The following SGCZ variants were observed in gnomAD, a reference collection of about 807,000 sequenced individuals.
The protein encoded by SGCZ is zeta-sarcoglycan.
SGCZ carries 40 observed loss-of-function variants against 41.3 expected under a neutral mutation model. The ratio of observed to expected loss-of-function variants is 0.97; its 90% CI spans 0.75 to 1.26. The LOEUF is 1.26. Among genes scored for constraint, SGCZ ranks in the 50% most tolerant of loss-of-function variants. SGCZ has a pLI of 0.00. For missense variants in SGCZ, 552 were observed against 369.8 expected (o/e 1.49, Z -4.04); for synonymous variants, 206 against 137.5 (o/e 1.50, Z -3.49).
intron 1 of SGCZ, among the ~76,000 whole-genome samples, chr8:15,223,527 G>A (rs778530609): frequency 5.3e-5 from 8 of 152,138 alleles, no homozygotes; most frequent in Non-Finnish European, 8.8e-5. Flanking sequence ...TTTTAATTCT[G>A]TATTTGATCC....
chr8:14,938,627 T>G (rs1047348395), intron 1 of SGCZ, among the ~76,000 whole-genome samples: 4 of 152,240 alleles, frequency 2.6e-5, no homozygotes, highest in Admixed American at 6.5e-5. Flanking sequence ...TAGCTAATTT[T>G]GGGGAAGTTA....
At chr8:15,034,405 T>C (rs750022432) in intron 1 of SGCZ, among the ~76,000 whole-genome samples, 103 of 151,482 alleles carry the variant, frequency 6.8e-4, no homozygotes, top group Non-Finnish European at 1.3e-3. Flanking sequence ...TACTTTCAAA[T>C]ATAAAAAGAA....
intron 1 of SGCZ, among the ~76,000 whole-genome samples, chr8:14,823,011 G>C (rs559533975): frequency 7.3e-6 from 1 of 136,698 alleles, no homozygotes; most frequent in African/African-American, 2.8e-5. Context: ...CCAAGATCGC[G>C]CCACTGCACT....
At chr8:14,944,995 T>C (rs889666631) in intron 1 of SGCZ, among the ~76,000 whole-genome samples, 1 of 152,104 alleles carries the variant, frequency 6.6e-6, no homozygotes, top group African/African-American at 2.4e-5. Context: ...GTGGAAGACA[T>C]AAGCATCAGT....
At position 14,602,473 on chromosome 8, in the gene SGCZ, C is replaced by A. The variant is rs1457566447; in HGVS notation, c.40-47547G>T. 2.0e-5 allele frequency among the ~76,000 whole-genome samples: 3 copies of A among 151,520 alleles called. No homozygotes were observed. The East Asian group carries it at 5.9e-4, about 30-fold the overall frequency. ...GCTGAGGTGGGAGGATTGCTTGAAC[C>A]CAGGAGTTCAAGGCCAGCCTGGGCA... On this transcript the variant is annotated intron_variant, in intron 1 of 7. Transcript: ENST00000382080.
intron 4 of SGCZ, among the ~76,000 whole-genome samples, chr8:14,184,465 A>C (rs927583937): frequency 7.2e-5 from 11 of 152,184 alleles, no homozygotes; most frequent in African/African-American, 2.7e-4. Flanking sequence ...TTCAGGCATT[A>C]TTAGGCTAAA....
At chr8:15,180,899 G>C (rs1800156073) in intron 1 of SGCZ, among the ~76,000 whole-genome samples, 1 of 150,264 alleles carries the variant, frequency 6.7e-6, no homozygotes, top group Non-Finnish European at 1.5e-5. Context: ...AAAAAAAAAA[G>C]AGAGGGAAAA....
At chr8:15,012,953 G>C (rs1326249847) in intron 1 of SGCZ, among the ~76,000 whole-genome samples, 5 of 151,820 alleles carry the variant, frequency 3.3e-5, no homozygotes, top group African/African-American at 7.3e-5. Flanking sequence ...TGTTTAGAAT[G>C]TTTAAAGTTA....
At chr8:14,804,681 C>A (rs1801461871) in intron 1 of SGCZ, among the ~76,000 whole-genome samples, 1 of 134,892 alleles carries the variant, frequency 7.4e-6, no homozygotes, top group Admixed American at 7.9e-5. Flanking sequence ...GAGAACTTCC[C>A]CAATCTAGCA....
intron 1 of SGCZ, among the ~76,000 whole-genome samples, chr8:15,001,564 C>T (rs1802422004): frequency 6.6e-6 from 1 of 151,844 alleles, no homozygotes; most frequent in Non-Finnish European, 1.5e-5. Flanking sequence ...CCCATCTCTA[C>T]TAAAAATGCA....
intron 3 of SGCZ, among the ~76,000 whole-genome samples, chr8:14,279,208 T>C (rs1231172704): frequency 1.3e-5 from 2 of 151,988 alleles, no homozygotes; most frequent in East Asian, 3.9e-4. Context: ...AGGGGAAAAG[T>C]AGAGTTTACT....
chr8:14,723,874 A>G (rs576309797), intron 1 of SGCZ, among the ~76,000 whole-genome samples: 163 of 152,268 alleles, frequency 1.1e-3, no homozygotes, highest in South Asian at 4.3e-3. Flanking sequence ...TTCTATAAAT[A>G]GAGTGGTAGT....
At chr8:14,408,847 A>C (rs1166488482) in intron 2 of SGCZ, among the ~76,000 whole-genome samples, 1 of 152,084 alleles carries the variant, frequency 6.6e-6, no homozygotes, top group African/African-American at 2.4e-5. Flanking sequence ...ATGTTAGCTC[A>C]TGATTGAGAC....
chr8:14,777,625 C>T (rs575741934), intron 1 of SGCZ, among the ~76,000 whole-genome samples: 6 of 152,028 alleles, frequency 3.9e-5, no homozygotes, highest in Non-Finnish European at 8.8e-5. Flanking sequence ...ATAAGACATA[C>T]GCATATCCAT....
In SGCZ at chr8:15,153,038, G is replaced by A. The variant is rs140711569; in HGVS notation, c.39+84547C>T. 9.9e-4 allele frequency among the ~76,000 whole-genome samples: 150 copies of A among 152,228 alleles called. 1 individual carries two copies. Among genetic ancestry groups the A allele is most frequent in the African/African-American group, 3.6e-3 (149 of 41,540 alleles). On this transcript the variant is annotated intron_variant, in intron 1 of 7. Coordinates refer to ENST00000382080, the MANE Select transcript of SGCZ (RefSeq NM_139167.4). ...CAATGGTACAAAGATTTTGCTCAAT[G>A]GCCGTCAATAACTTAACCAGAGTTT...
chr8:14,094,366 C>G (rs1801779354), intron 7 of SGCZ, among the ~76,000 whole-genome samples: 1 of 151,650 alleles, frequency 6.6e-6, no homozygotes, highest in Non-Finnish European at 1.5e-5. Flanking sequence ...GTTCAACTCC[C>G]AATTAGGAGT....
intron 3 of SGCZ, among the ~76,000 whole-genome samples, chr8:14,246,428 A>T (rs1183635284): frequency 6.6e-6 from 1 of 151,350 alleles, no homozygotes; most frequent in Admixed American, 6.6e-5. Flanking sequence ...AGGGAACATG[A>T]CACTCTGGGG....
chr8:14,505,894 C>A (rs1802290789), intron 2 of SGCZ, among the ~76,000 whole-genome samples: 1 of 152,142 alleles, frequency 6.6e-6, no homozygotes, highest in South Asian at 2.1e-4. Context: ...TTAGCAAGCT[C>A]TTCAGGTGAT....
At chr8:14,707,919 T>C (rs1209919234) in intron 1 of SGCZ, among the ~76,000 whole-genome samples, 1 of 151,974 alleles carries the variant, frequency 6.6e-6, no homozygotes, top group South Asian at 2.1e-4. Flanking sequence ...AAATGGAAAA[T>C]GGGTATGATT....
Sources: gnomAD v4.1 joint callset for allele counts (sites outside exome capture counted in the v4.1 genomes callset) on GRCh38, gnomAD v4.1.1 for gene constraint, MANE v1.5 for transcripts, NCBI Gene and HGNC (gene_info 2026-07-23, HGNC 2026-07-21) for gene names.